The following LDAH variants were observed in gnomAD, a reference collection of about 807,000 sequenced individuals.
The protein encoded by LDAH is lipid droplet associated hydrolase.
Under a neutral mutation model 29.6 loss-of-function variants are expected in LDAH, and 26 were observed. The ratio of observed to expected loss-of-function variants is 0.88; its 90% CI spans 0.64 to 1.22. LDAH has a LOEUF of 1.22. Ranked by LOEUF, LDAH falls within the 50% of genes most tolerant of loss-of-function variation. LDAH has a pLI of 0.00. For synonymous variants in LDAH, 117 were observed against 133.0 expected, an observed-to-expected ratio of 0.88 and a Z score of 0.83; for missense variants, 344 against 387.3, an observed-to-expected ratio of 0.89 and a Z score of 0.94.
rs1030394364 is a variant in LDAH at position 20,684,032 on chromosome 2, G to A, written c.*2871C>T. 1 of 152,112 alleles carries A rather than the reference G, an allele frequency of 6.6e-6. No homozygotes were observed. Among genetic ancestry groups the A allele is most frequent in the Admixed American group, 6.6e-5 (1 of 15,262 alleles). The allele number at this position is 152,112 out of a possible 1,614,324, so 9.4% of individuals were successfully genotyped here. A position where few individuals can be genotyped will look rare whatever the true frequency, so the allele number is the denominator to read the frequency against. On this transcript the variant is annotated 3_prime_UTR_variant, in exon 7 of 7. Coordinates refer to ENST00000237822, the MANE Select transcript of LDAH (RefSeq NM_021925.4). ...ACACGGATGCAGGAGATAGCATGGT[G>A]GGGTTTTAAAAATAATTATTTTTAC...
intron 2 of LDAH, among the ~76,000 whole-genome samples, chr2:20,798,377 AT>A (rs1324435631): frequency 6.6e-6 from 1 of 152,156 alleles, no homozygotes; most frequent in Non-Finnish European, 1.5e-5. Flanking sequence ...AAACTGACTG[AT>A]GACTCAAATG....
rs1192694504 is a variant in LDAH, at chr2:20,801,423, T to A, written c.41A>T (p.Glu14Val). 2 of 1,614,158 alleles carry A rather than the reference T, an allele frequency of 1.2e-6. No individual in the cohort carries two copies. The highest frequency in any genetic ancestry group is 1.3e-5 in the African/African-American group (1 of 75,038). ...ELKEEIPVHEEFILCGGAETQ... is the reference protein window; with the variant it reads ...ELKEEIPVHEVFILCGGAETQ... ...TTCGGCTCCACCACACAAAATGAAT[T>A]CCTCATGCACAGGAATTTCTTCCTT... Residue 14 changes from glutamate (E) to valine (V), a missense_variant, in exon 2 of 7, where the codon GAA (glutamate) becomes GTA (valine). Physicochemically the swap from Glu to Val is moderately radical, Grantham distance 121. Coordinates refer to ENST00000237822, the MANE Select transcript of LDAH (RefSeq NM_021925.4).
intron 6 of LDAH, among the ~76,000 whole-genome samples, chr2:20,691,957 T>C (rs1288465354): frequency 1.3e-5 from 2 of 152,216 alleles, no homozygotes; most frequent in East Asian, 3.9e-4. Context: ...AAAATATCCC[T>C]GCAGGTTGCT....
intron 4 of LDAH, among the ~76,000 whole-genome samples, chr2:20,741,445 A>G (rs1667168816): frequency 6.6e-6 from 1 of 152,174 alleles, no homozygotes. Context: ...TGTGGTAAGT[A>G]TAAGGTCTGT....
chr2:20,785,972 G>T (rs932356240), intron 3 of LDAH, among the ~76,000 whole-genome samples: 1 of 151,970 alleles, frequency 6.6e-6, no homozygotes, highest in Admixed American at 6.6e-5. Flanking sequence ...TTAAATTCCC[G>T]ATCTGATATT....
chr2:20,743,646 C>T (rs1667364047), intron 4 of LDAH, among the ~76,000 whole-genome samples: 1 of 152,020 alleles, frequency 6.6e-6, no homozygotes, highest in Admixed American at 6.6e-5. Flanking sequence ...ACATTTTAGT[C>T]TTTGTTTATT....
chr2:20,706,107 G>A (rs1189342230), intron 5 of LDAH, among the ~76,000 whole-genome samples: 1 of 152,174 alleles, frequency 6.6e-6, no homozygotes, highest in Non-Finnish European at 1.5e-5. Flanking sequence ...TTACTGAGCA[G>A]TGAAGTTCTT....
rs748416809 is a variant in LDAH at position 20,740,212 on chromosome 2, T to C, written c.469-7A>G. 66 of 1,583,726 alleles carry C rather than the reference T, an allele frequency of 4.2e-5. No individual in the cohort carries two copies. Among genetic ancestry groups the C allele is most frequent in the Non-Finnish European group, 5.7e-5 (66 of 1,152,328 alleles). On this transcript the variant is annotated splice_polypyrimidine_tract_variant and splice_region_variant and intron_variant, in intron 4 of 6. Coordinates refer to ENST00000237822, the MANE Select transcript of LDAH (RefSeq NM_021925.4). ...GCAGAAAGGCACGAATTACCTGCAA[T>C]AAAGAAGCATACTTTGATGAGAGGT...
chr2:20,812,588 A>G (rs955377983), intron 1 of LDAH, among the ~76,000 whole-genome samples: 2 of 152,150 alleles, frequency 1.3e-5, no homozygotes, highest in Non-Finnish European at 2.9e-5. Flanking sequence ...CAGTCACCCT[A>G]ATTCAAAAGC....
At position 20,686,125 on chromosome 2, in the gene LDAH, A is replaced by C. The variant is rs2149318919; in HGVS notation, c.*778T>G. ...ATCCAAGCCTGCTTTGGGACAGCCC[A>C]GTGCCTCTCCATCCTGGCTCTGGAG... On this transcript the variant is annotated 3_prime_UTR_variant, in exon 7 of 7. Coordinates refer to ENST00000237822, the MANE Select transcript of LDAH (RefSeq NM_021925.4). The C allele has an allele frequency of 6.5e-6, 1 of 154,472 alleles. No individual in the cohort carries two copies. Among genetic ancestry groups the C allele is most frequent in the Non-Finnish European group, 1.4e-5 (1 of 69,332 alleles). 9.6% of individuals were successfully genotyped at this position (154,472 alleles called of 1,614,324 possible).
intron 4 of LDAH, among the ~76,000 whole-genome samples, chr2:20,772,181 A>G (rs2125007708): frequency 6.6e-6 from 1 of 152,376 alleles, no homozygotes; most frequent in African/African-American, 2.4e-5. Flanking sequence ...CATCACATGC[A>G]GAACAGATCT....
chr2:20,714,023 A>T (rs1442769897), intron 5 of LDAH, among the ~76,000 whole-genome samples: 2 of 152,176 alleles, frequency 1.3e-5, no homozygotes, highest in Admixed American at 1.3e-4. Context: ...GCTCTGCACC[A>T]AGCAGACCTA....
chr2:20,781,601 A>G (rs1168643144), intron 3 of LDAH, among the ~76,000 whole-genome samples: 2 of 152,230 alleles, frequency 1.3e-5, no homozygotes, highest in African/African-American at 4.8e-5. Flanking sequence ...GAACTGTTCT[A>G]GCTGAATGGG....
rs967114671 is a variant in LDAH, at chr2:20,698,792, TAATAA to T, written c.786+2773_786+2777del. On this transcript the variant is annotated intron_variant, in intron 6 of 6. Coordinates refer to ENST00000237822, the MANE Select transcript of LDAH (RefSeq NM_021925.4). This position sits in a 1 kb window ranked among gnomAD's most constrained non-coding sequence, Gnocchi z 4.4. ...TTGCTCCAGGAAAGAAAAATTATTT[TAATAA>T]AATAAATTACTTTATGTCCAATACT... 6.6e-6 allele frequency among the ~76,000 whole-genome samples: 1 copy of T among 152,222 alleles called. No individual in the cohort carries two copies. Among genetic ancestry groups the T allele is most frequent in the Non-Finnish European group, 1.5e-5 (1 of 68,040 alleles).
At chr2:20,764,924 G>A (rs565326196) in intron 4 of LDAH, among the ~76,000 whole-genome samples, 1 of 152,292 alleles carries the variant, frequency 6.6e-6, no homozygotes, top group African/African-American at 2.4e-5. Context: ...CTTGTTACAT[G>A]TGAACACGTT....
intron 5 of LDAH, among the ~76,000 whole-genome samples, chr2:20,722,358 CG>C (rs1241447888): frequency 8.4e-6 from 1 of 118,592 alleles, no homozygotes; most frequent in Non-Finnish European, 1.6e-5. Context: ...CCAGCCTGGG[CG>C]ACAGAATGAA....
chr2:20,801,012 T>C (rs1431132428), intron 2 of LDAH, among the ~76,000 whole-genome samples: 1 of 152,136 alleles, frequency 6.6e-6, no homozygotes, highest in East Asian at 1.9e-4. Flanking sequence ...TTGATGAAGT[T>C]TTAAATATTA....
intron 3 of LDAH, among the ~76,000 whole-genome samples, chr2:20,787,265 T>C (rs1670621846): frequency 6.6e-6 from 1 of 152,132 alleles, no homozygotes; most frequent in Non-Finnish European, 1.5e-5. Context: ...GAAAAATGAT[T>C]TTTAGTTTTG....
intron 3 of LDAH, among the ~76,000 whole-genome samples, chr2:20,785,934 A>C (rs1314249696): frequency 6.6e-6 from 1 of 152,108 alleles, no homozygotes; most frequent in Non-Finnish European, 1.5e-5. Flanking sequence ...CTTCCATTAG[A>C]GTTCTCAACG....
Sources: allele counts gnomAD v4.1 joint callset (sites outside exome capture counted in the v4.1 genomes callset), GRCh38; gene constraint gnomAD v4.1.1; non-coding constraint Gnocchi (gnomAD v3.1); transcripts MANE v1.5; gene names NCBI Gene and HGNC (gene_info 2026-07-23, HGNC 2026-07-21).